Variants in COMMD1 observed in about 807,000 individuals in gnomAD.
COMMD1 encodes COMM domain-containing protein 1.
Under a neutral mutation model 17.2 loss-of-function variants are expected in COMMD1, and 10 were observed. The ratio of observed to expected loss-of-function variants is 0.58; its 90% CI spans 0.36 to 0.99. The LOEUF (loss-of-function observed/expected upper bound fraction) is 0.99. Ranked by LOEUF, COMMD1 falls within the 50% of genes least tolerant of loss-of-function variation. COMMD1 has a pLI of 0.01. For missense variants in COMMD1, 270 were observed against 231.8 expected (o/e 1.17, Z -1.07); for synonymous variants, 97 against 91.6 (o/e 1.06, Z -0.34).
chr2:62,020,607 T>C (rs1669584806), intron 2 of COMMD1, among the ~76,000 whole-genome samples: 1 of 152,220 alleles, frequency 6.6e-6, no homozygotes, highest in Non-Finnish European at 1.5e-5. Context: ...TGGGCTCACT[T>C]CCTTAAACAA....
chr2:61,979,006 A>G (rs1034258378), intron 1 of COMMD1, among the ~76,000 whole-genome samples: 2 of 152,150 alleles, frequency 1.3e-5, no homozygotes, highest in African/African-American at 4.8e-5. Flanking sequence ...ATACAATTAA[A>G]TTATTACTGA....
At chr2:61,960,076 C>T (rs555618945) in intron 1 of COMMD1, among the ~76,000 whole-genome samples, 8 of 152,094 alleles carry the variant, frequency 5.3e-5, no homozygotes, top group South Asian at 2.1e-4. Flanking sequence ...TTTGTCCAGG[C>T]GTGCCAGAGC....
At chr2:61,889,167 T>C (rs1277584413) in intron 1 of COMMD1, among the ~76,000 whole-genome samples, 1 of 148,142 alleles carries the variant, frequency 6.8e-6, no homozygotes, top group East Asian at 2.0e-4. Context: ...GCTCCCAAAG[T>C]GTTGGGATTA....
chr2:62,016,478 G>A (rs1010076751), intron 2 of COMMD1, among the ~76,000 whole-genome samples: 1 of 150,460 alleles, frequency 6.6e-6, no homozygotes, highest in Non-Finnish European at 1.5e-5. Flanking sequence ...CAAAGTGCTG[G>A]GATTATAAGC....
chr2:61,991,870 C>T (rs7575992), intron 1 of COMMD1, among the ~76,000 whole-genome samples: 2,731 of 152,232 alleles, frequency 0.018, 54 homozygotes, highest in African/African-American at 0.041. Context: ...CAGTGATTCT[C>T]AAACATATCC....
chr2:62,030,409 G>A (rs1286817879), intron 2 of COMMD1, among the ~76,000 whole-genome samples: 1 of 152,160 alleles, frequency 6.6e-6, no homozygotes, highest in South Asian at 2.1e-4. Flanking sequence ...TGCTTCTGAA[G>A]CCTACAGTTT....
chr2:62,020,035 A>G (rs1315667772), intron 2 of COMMD1, among the ~76,000 whole-genome samples: 1 of 152,226 alleles, frequency 6.6e-6, no homozygotes, highest in Non-Finnish European at 1.5e-5. Context: ...GCATCAGCTT[A>G]CAGTCCAGGA....
chr2:62,007,868 C>T (rs1356459859), intron 2 of COMMD1, among the ~76,000 whole-genome samples: 1 of 152,128 alleles, frequency 6.6e-6, no homozygotes, highest in Non-Finnish European at 1.5e-5. Context: ...GAGTAAGAAT[C>T]TGCTAAAACA....
chr2:62,058,378 A>C (rs1410871094), intron 2 of COMMD1, among the ~76,000 whole-genome samples: 1 of 152,092 alleles, frequency 6.6e-6, no homozygotes, highest in Non-Finnish European at 1.5e-5. Flanking sequence ...AATTCTCTCA[A>C]ATTTTCTTCG....
chr2:61,941,444 A>G (rs1034953192), intron 1 of COMMD1, among the ~76,000 whole-genome samples: 28 of 152,238 alleles, frequency 1.8e-4, no homozygotes, highest in African/African-American at 6.5e-4. Flanking sequence ...GGGCCCCTTT[A>G]GCCTTCAGAT....
upstream of COMMD1, among the ~76,000 whole-genome samples, chr2:61,900,885 C>A (rs570537955): frequency 1.3e-5 from 2 of 151,744 alleles, no homozygotes; most frequent in Non-Finnish European, 2.9e-5. Flanking sequence ...CTAGTAATAT[C>A]AAAAAGTTTA....
intron 2 of COMMD1, among the ~76,000 whole-genome samples, chr2:62,098,033 C>T (rs944056431): frequency 6.6e-5 from 10 of 152,022 alleles, no homozygotes; most frequent in African/African-American, 2.4e-4. Flanking sequence ...GCAATAGTGG[C>T]AAATTGCTTC....
chr2:62,099,280 T>G (rs1313579376), intron 2 of COMMD1, among the ~76,000 whole-genome samples: 1 of 152,140 alleles, frequency 6.6e-6, no homozygotes, highest in African/African-American at 2.4e-5. Context: ...GCTTATCGTT[T>G]CCTCTTTTTG....
At chr2:62,064,399 C>A (rs1670968013) in intron 2 of COMMD1, among the ~76,000 whole-genome samples, 1 of 152,136 alleles carries the variant, frequency 6.6e-6, no homozygotes. Flanking sequence ...GTCTCGAATG[C>A]CTGACCTCGA....
upstream of COMMD1, among the ~76,000 whole-genome samples, chr2:61,902,290 G>A (rs959125740): frequency 8.6e-5 from 13 of 151,700 alleles, no homozygotes; most frequent in Admixed American, 1.3e-4. Context: ...GGTGGATCAC[G>A]AGGTCGGGAG....
chr2:62,124,589 G>A (rs533505709), intron 2 of COMMD1, among the ~76,000 whole-genome samples: 52 of 151,816 alleles, frequency 3.4e-4, no homozygotes, highest in African/African-American at 1.2e-3. Flanking sequence ...TCACTCTGTC[G>A]CCCAGCCTGG....
chr2:61,933,590 C>T (rs1670525915), intron 1 of COMMD1, among the ~76,000 whole-genome samples: 2 of 151,936 alleles, frequency 1.3e-5, no homozygotes, highest in South Asian at 4.2e-4. Context: ...CATGCTTTTC[C>T]CACACGTGAT....
At chr2:62,020,319 T>G (rs1414862106) in intron 2 of COMMD1, among the ~76,000 whole-genome samples, 1 of 152,230 alleles carries the variant, frequency 6.6e-6, no homozygotes, top group Non-Finnish European at 1.5e-5. Flanking sequence ...GGTAATTCCT[T>G]GATTAAAATA....
intron 2 of COMMD1, among the ~76,000 whole-genome samples, chr2:62,125,410 G>A (rs1366168373): frequency 1.3e-5 from 2 of 152,150 alleles, no homozygotes; most frequent in African/African-American, 4.8e-5. Flanking sequence ...ACTGACTGAT[G>A]TCAGTCCTTT....
Sources: gnomAD v4.1 joint callset for allele counts (sites outside exome capture counted in the v4.1 genomes callset) on GRCh38, gnomAD v4.1.1 for gene constraint, MANE v1.5 for transcripts, NCBI Gene and HGNC (gene_info 2026-07-23, HGNC 2026-07-21) for gene names.